Variants in RFX7 observed in about 807,000 individuals in gnomAD.
RFX7 encodes the protein DNA-binding protein RFX7.
A neutral mutation model predicts 111.8 loss-of-function variants in RFX7; 26 were observed. The observed-to-expected ratio is 0.23, with a 90% confidence interval of 0.17 to 0.32. The LOEUF is 0.32. Among genes scored for constraint, RFX7 ranks in the 10% least tolerant of loss-of-function variants. The probability of loss-of-function intolerance (pLI) is 1.00; values close to 1 mark genes in which losing one functional copy is unlikely to be tolerated. For missense variants in RFX7, 1,573 were observed against 1,772.9 expected, an observed-to-expected ratio of 0.89 and a Z score of 2.02; for synonymous variants, 624 against 624.4, an observed-to-expected ratio of 1.00 and a Z score of 0.01.
chr15:56,101,520 T>A lies in RFX7; in HGVS notation c.650A>T (p.Glu217Val), dbSNP rs768927471. 3.7e-6 allele frequency: 6 copies of A among 1,613,802 alleles called. No individual in the cohort carries two copies. The highest frequency in any genetic ancestry group is 4.2e-6 in the Non-Finnish European group (5 of 1,179,794). The change falls in exon 8 of 10, where the codon GAA (glutamate) becomes GTA (valine). Residue 217 changes from glutamate (E) to valine (V), a missense_variant. Glu to Val is a moderately radical substitution (Grantham distance 121). This residue lies in a region of RFX7 where 288 missense variants were observed against 337.9 expected (regional missense o/e 0.85). Coordinates refer to ENST00000559447, the MANE Select transcript of RFX7 (RefSeq NM_022841.7). ...PSGQLQNIDE[E>V]VISSACRLVC... ...AAGACGGCAAGCAGAAGAGATAACT[T>A]CTTCATCAATATTTTGAAGCTGCCC...
intron 2 of RFX7, among the ~76,000 whole-genome samples, chr15:56,204,261 T>C (rs2043227175): frequency 6.6e-6 from 1 of 152,096 alleles, no homozygotes; most frequent in Non-Finnish European, 1.5e-5. Context: ...TCAAGTGATC[T>C]GTCCACCTTG....
chr15:56,117,007 T>G (rs9672928), intron 5 of RFX7, among the ~76,000 whole-genome samples: 50,893 of 151,984 alleles, frequency 0.33, 9,600 homozygotes, highest in Non-Finnish European at 0.42. Flanking sequence ...TTACCCTTGA[T>G]GAGAGAGGTG....
At chr15:56,163,180 AG>A (rs2042744777) in intron 3 of RFX7, among the ~76,000 whole-genome samples, 1 of 152,138 alleles carries the variant, frequency 6.6e-6, no homozygotes, top group Non-Finnish European at 1.5e-5. Context: ...TCTCTTGTAA[AG>A]GGAAGAAGAT....
intron 2 of RFX7, among the ~76,000 whole-genome samples, chr15:56,220,681 A>G (rs1422123457): frequency 6.6e-6 from 1 of 151,940 alleles, no homozygotes; most frequent in African/African-American, 2.4e-5. Flanking sequence ...GAAGTTCTTT[A>G]GTTTAATTAA....
Position 56,187,730 on chromosome 15 carries a change from C to A in RFX7, c.162-8427G>T, listed in dbSNP as rs112985190. Among the ~76,000 whole-genome samples the A allele has an allele frequency of 5.8e-3, 890 of 152,280 alleles. 4 individuals are homozygous for A. The highest frequency in any genetic ancestry group is 0.01 in the Middle Eastern group (3 of 294). On this transcript the variant is annotated intron_variant, in intron 2 of 9. Coordinates refer to ENST00000559447, the MANE Select transcript of RFX7 (RefSeq NM_022841.7). ...CTCCAAGGTTCTTCACAAAAAGAAACAGCTGGAAGGTGGAAGGATTTGAGA... is the reference window on the plus strand; with the variant it reads ...CTCCAAGGTTCTTCACAAAAAGAAAAAGCTGGAAGGTGGAAGGATTTGAGA...
At chr15:56,165,808 A>G (rs1393013252) in intron 3 of RFX7, among the ~76,000 whole-genome samples, 1 of 152,086 alleles carries the variant, frequency 6.6e-6, no homozygotes, top group African/African-American at 2.4e-5. Context: ...AGCCTAGAAA[A>G]TAAGATGGTA....
Position 56,089,725 on chromosome 15 carries a change from T to TTC in RFX7, c.*3619_*3620insGA, listed in dbSNP as rs2041572514. 9.0e-6 allele frequency: 1 copy of TTC among 111,366 alleles called. No individual in the cohort carries two copies. Among genetic ancestry groups the TTC allele is most frequent in the Non-Finnish European group, 2.0e-5 (1 of 50,662 alleles). The allele number at this position is 111,366 out of a possible 1,614,324, so 6.9% of individuals were successfully genotyped here. On this transcript the variant is annotated 3_prime_UTR_variant, in exon 10 of 10. Coordinates refer to ENST00000559447, the MANE Select transcript of RFX7 (RefSeq NM_022841.7). ...GATTGCCTTTCTTGGGATTAGTTTT[T>TTC]CTTCAAGTACTTTTGAATTTTGATC...
intron 3 of RFX7, among the ~76,000 whole-genome samples, chr15:56,159,493 C>G (rs1567032168): frequency 6.6e-6 from 1 of 152,132 alleles, no homozygotes; most frequent in Non-Finnish European, 1.5e-5. Flanking sequence ...CAGAAAAGGG[C>G]AGATACTATT....
At chr15:56,104,665 A>G (rs1595926281) in intron 5 of RFX7, among the ~76,000 whole-genome samples, 1 of 152,304 alleles carries the variant, frequency 6.6e-6, no homozygotes, top group African/African-American at 2.4e-5. Context: ...CAAGAAGTTA[A>G]GTTGGGAGAG....
Position 56,103,626 on chromosome 15 carries a change from TCAG to T in RFX7, c.443_445del (p.Ala148del). On this transcript the variant is annotated inframe_deletion, in exon 6 of 10. Coordinates refer to ENST00000559447, the MANE Select transcript of RFX7 (RefSeq NM_022841.7). ...GACGTTTTTCATGATCTTTCCAAAA[TCAG>T]CAGCACTTAATGGATGGTAACCAAG... The T allele has an allele frequency of 6.2e-7, 1 of 1,603,816 alleles. No homozygotes were observed.
At chr15:56,218,162 T>C (rs1293048006) in intron 2 of RFX7, among the ~76,000 whole-genome samples, 1 of 140,480 alleles carries the variant, frequency 7.1e-6, no homozygotes, top group Non-Finnish European at 1.5e-5. Context: ...TTTTTTTTTT[T>C]TTTTTTTTTG....
intron 2 of RFX7, among the ~76,000 whole-genome samples, chr15:56,224,647 T>C (rs1039340714): frequency 6.6e-6 from 1 of 151,946 alleles, no homozygotes; most frequent in South Asian, 2.1e-4. Context: ...CTCTGTCCTG[T>C]CTTTTAATAG....
Position 56,095,123 on chromosome 15 carries a change from A to T in RFX7, c.2605T>A (p.Ser869Thr), listed in dbSNP as rs2041654573. Residue 869 changes from serine (S) to threonine (T), a missense_variant, in exon 10 of 10, where the codon TCC becomes ACC. Physicochemically the swap from Ser to Thr is moderately conservative, Grantham distance 58. Coordinates refer to ENST00000559447, the MANE Select transcript of RFX7 (RefSeq NM_022841.7). The part of the protein sequence containing the change: ...SELKEFEPSV[S>T]QTNESYFPFD... Reference sequence around the variant, plus strand: ...GGAAAGTAGCTTTCATTTGTCTGGGAAACAGAAGGCTCAAACTCCTTCAGT... The same window carrying T: ...GGAAAGTAGCTTTCATTTGTCTGGGTAACAGAAGGCTCAAACTCCTTCAGT... 6.2e-7 allele frequency: 1 copy of T among 1,613,794 alleles called. No homozygotes were observed. Among genetic ancestry groups the T allele is most frequent in the African/African-American group, 1.3e-5 (1 of 74,920 alleles).
intron 2 of RFX7, among the ~76,000 whole-genome samples, chr15:56,183,066 ATTT>A (rs1248792052): frequency 6.6e-6 from 1 of 151,976 alleles, no homozygotes; most frequent in Non-Finnish European, 1.5e-5. Flanking sequence ...ATGAAATTGT[ATTT>A]TTTTAAAAAA....
At chr15:56,170,113 C>T (rs1252803322) in intron 3 of RFX7, among the ~76,000 whole-genome samples, 1 of 152,130 alleles carries the variant, frequency 6.6e-6, no homozygotes, top group East Asian at 1.9e-4. Flanking sequence ...TTCGTTCATA[C>T]ATTCAACAAA....
At chr15:56,116,243 C>A (rs1222038427) in intron 5 of RFX7, among the ~76,000 whole-genome samples, 1 of 152,162 alleles carries the variant, frequency 6.6e-6, no homozygotes, top group African/African-American at 2.4e-5. Flanking sequence ...CTGATGTAAT[C>A]ATACCATTTC....
At chr15:56,215,953 G>C (rs1354986994) in intron 2 of RFX7, among the ~76,000 whole-genome samples, 1 of 152,028 alleles carries the variant, frequency 6.6e-6, no homozygotes, top group African/African-American at 2.4e-5. Flanking sequence ...CCTCTCTGTG[G>C]GCTTCTTACC....
chr15:56,149,510 T>A (rs1480666027), intron 3 of RFX7, among the ~76,000 whole-genome samples: 1 of 152,190 alleles, frequency 6.6e-6, no homozygotes, highest in African/African-American at 2.4e-5. Context: ...ACCTGGTTCA[T>A]CTCACTGGGA....
chr15:56,227,039 C>A (rs1330061072), intron 2 of RFX7, among the ~76,000 whole-genome samples: 1 of 152,156 alleles, frequency 6.6e-6, no homozygotes. Flanking sequence ...ATAAGAAGTG[C>A]TCAATAATTA....
Sources: allele counts gnomAD v4.1 joint callset (sites outside exome capture counted in the v4.1 genomes callset), GRCh38; gene constraint gnomAD v4.1.1; regional missense constraint gnomAD v4.1.1; transcripts MANE v1.5; gene names NCBI Gene and HGNC (gene_info 2026-07-23, HGNC 2026-07-21).